WWC2: variants seen among roughly 807,000 people sequenced by gnomAD.
WWC2 encodes protein WWC2.
Under a neutral mutation model 138.5 loss-of-function variants are expected in WWC2, and 101 were observed. The ratio of observed to expected loss-of-function variants is 0.73; its 90% CI spans 0.62 to 0.86. The LOEUF (loss-of-function observed/expected upper bound fraction) is 0.86. WWC2 is among the 40% of genes least tolerant of loss of function. The pLI is 0.00. For missense variants in WWC2, 1,420 were observed against 1,419.4 expected, an observed-to-expected ratio of 1.00 and a Z score of -0.01; for synonymous variants, 558 against 538.4, an observed-to-expected ratio of 1.04 and a Z score of -0.50.
Position 183,261,449 on chromosome 4 carries a change from A to C in WWC2, c.1826A>C (p.Asp609Ala). The C allele has an allele frequency of 6.2e-7, 1 of 1,612,460 alleles. No individual in the cohort carries two copies. The highest frequency in any genetic ancestry group is 8.5e-7 in the Non-Finnish European group (1 of 1,179,212). The change falls in exon 11 of 23, where the codon GAT (aspartate) becomes GCT (alanine). Residue 609 changes from aspartate to alanine, a missense_variant. By Grantham distance (126) the Asp-to-Ala change is moderately radical (BLOSUM62 -2). Coordinates refer to ENST00000403733, the MANE Select transcript of WWC2 (RefSeq NM_024949.6). ...GAAAATCAGATTTTGCTGGATTCTGATTCAGGAGGAGCCTCCCAGTCTCTT... is the reference window on the plus strand; with the variant it reads ...GAAAATCAGATTTTGCTGGATTCTGCTTCAGGAGGAGCCTCCCAGTCTCTT... ...LIENQILLDS[D>A]SGGASQSLSE...
intron 1 of WWC2, among the ~76,000 whole-genome samples, chr4:183,100,258 C>G (rs1743132284): frequency 6.6e-6 from 1 of 152,352 alleles, no homozygotes; most frequent in Non-Finnish European, 1.5e-5. Context: ...GAACCGACTC[C>G]CAGATCGGGA....
chr4:183,121,675 A>G (rs773710951), intron 1 of WWC2, among the ~76,000 whole-genome samples: 7 of 152,192 alleles, frequency 4.6e-5, no homozygotes, highest in Non-Finnish European at 8.8e-5. Context: ...TTATATTTCA[A>G]AATAGTTTAT....
At chr4:183,170,786 C>T (rs1032691295) in intron 1 of WWC2, among the ~76,000 whole-genome samples, 14 of 149,412 alleles carry the variant, frequency 9.4e-5, no homozygotes, top group African/African-American at 3.4e-4. Flanking sequence ...TAACCTTGAA[C>T]TCCTCAAGTG....
chr4:183,241,239 C>G (rs535094598), intron 5 of WWC2, among the ~76,000 whole-genome samples: 1 of 152,202 alleles, frequency 6.6e-6, no homozygotes, highest in Non-Finnish European at 1.5e-5. Context: ...TGGTCTCAGG[C>G]GCCACCTCTG....
At chr4:183,206,987 A>C (rs1343575746) in intron 2 of WWC2, among the ~76,000 whole-genome samples, 3 of 152,198 alleles carry the variant, frequency 2.0e-5, no homozygotes, top group African/African-American at 7.2e-5. Flanking sequence ...TGGAGTTTAT[A>C]AACTGAGCAT....
At position 183,099,323 on chromosome 4, in the gene WWC2, T is replaced by G; in HGVS notation, c.-169T>G. On this transcript the variant is annotated 5_prime_UTR_variant, in exon 1 of 23. Coordinates refer to ENST00000403733, the MANE Select transcript of WWC2 (RefSeq NM_024949.6). Reference sequence around the variant, plus strand: ...CCGCAGCGGGGCCGCGAACAGCGTTTCCTGAGGCACCTCCCGCGCGTGGTT... The same window carrying G: ...CCGCAGCGGGGCCGCGAACAGCGTTGCCTGAGGCACCTCCCGCGCGTGGTT... The G allele has an allele frequency of 1.8e-6, 1 of 562,766 alleles. No homozygotes were observed. Among genetic ancestry groups the G allele is most frequent in the Non-Finnish European group, 2.4e-6 (1 of 410,842 alleles). The allele number at this position is 562,766 out of a possible 1,614,324, so 34.9% of individuals were successfully genotyped here. A position where few individuals can be genotyped will look rare whatever the true frequency, so the allele number is the denominator to read the frequency against.
chr4:183,107,287 G>A (rs1456108996), intron 1 of WWC2, among the ~76,000 whole-genome samples: 1 of 151,940 alleles, frequency 6.6e-6, no homozygotes, highest in Admixed American at 6.6e-5. Flanking sequence ...TCAGCCTCCT[G>A]AGTAGCTGGG....
chr4:183,140,068 T>C (rs1733253493), intron 1 of WWC2, among the ~76,000 whole-genome samples: 1 of 152,222 alleles, frequency 6.6e-6, no homozygotes, highest in African/African-American at 2.4e-5. Flanking sequence ...TGCCTCTGCC[T>C]TACAAAGTCC....
intron 4 of WWC2, among the ~76,000 whole-genome samples, chr4:183,210,983 G>A (rs1735581047): frequency 6.6e-6 from 1 of 152,216 alleles, no homozygotes. Flanking sequence ...TCTGCACTAA[G>A]TCTCTAAGTT....
At position 183,275,100 on chromosome 4, in the gene WWC2, C is replaced by T. The variant is rs190498395; in HGVS notation, c.2562+3859C>T. Among the ~76,000 whole-genome samples, 268 of 152,210 alleles carry T rather than the reference C, an allele frequency of 1.8e-3. 3 individuals are homozygous for T. Among genetic ancestry groups the T allele is most frequent in the South Asian group, 1.0e-3 (5 of 4,824 alleles). On this transcript the variant is annotated intron_variant, in intron 16 of 22. Transcript: ENST00000403733. ...CCTCACCCTCCCTACTCTCTCCAGC[C>T]ACTGTGGAACTGTTTTCTCAGTTGC...
intron 4 of WWC2, among the ~76,000 whole-genome samples, chr4:183,228,808 G>C (rs891890721): frequency 2.0e-5 from 3 of 152,084 alleles, no homozygotes. Flanking sequence ...AGTGTTTGTA[G>C]TGTGTAGCCT....
In WWC2 at chr4:183,319,838, C is replaced by A. The variant is rs1395640259; in HGVS notation, c.*4109C>A. Reference sequence around the variant, plus strand: ...GAACCAGGGCTGTGACTCCCGAGGCCCAGGACAGAATTCCTCCCAGGATCA... The same window carrying A: ...GAACCAGGGCTGTGACTCCCGAGGCACAGGACAGAATTCCTCCCAGGATCA... On this transcript the variant is annotated 3_prime_UTR_variant, in exon 23 of 23. Coordinates refer to ENST00000403733, the MANE Select transcript of WWC2 (RefSeq NM_024949.6). The A allele has an allele frequency of 1.9e-6, 3 of 1,613,962 alleles. No individual in the cohort carries two copies. The highest frequency in any genetic ancestry group is 2.2e-5 in the South Asian group (2 of 91,066).
intron 1 of WWC2, among the ~76,000 whole-genome samples, chr4:183,117,290 G>A (rs1456192234): frequency 7.4e-6 from 1 of 134,608 alleles, no homozygotes; most frequent in Non-Finnish European, 1.5e-5. Context: ...GCGTGATCTT[G>A]GCTCACTGCA....
At chr4:183,212,814 G>T (rs1414027764) in intron 4 of WWC2, among the ~76,000 whole-genome samples, 3 of 152,146 alleles carry the variant, frequency 2.0e-5, no homozygotes, top group Non-Finnish European at 2.9e-5. Context: ...CCCCAGAATT[G>T]TCTTCTAATG....
In WWC2 at chr4:183,221,033, A is replaced by C. The variant is rs570814591; in HGVS notation, c.522+12008A>C. Among the ~76,000 whole-genome samples the C allele has an allele frequency of 4.6e-5, 7 of 152,354 alleles. No individual in the cohort carries two copies. In the South Asian group the frequency reaches 1.4e-3, roughly 32 times the overall value. On this transcript the variant is annotated intron_variant, in intron 4 of 22. Transcript: ENST00000403733. ...AGGCAAAGATTATCAGAATGGTTAA[A>C]ACAAGACCCAATTTCATGATAGCTG...
At chr4:183,265,480 A>C (rs1171375353) in intron 12 of WWC2, among the ~76,000 whole-genome samples, 1 of 152,230 alleles carries the variant, frequency 6.6e-6, no homozygotes, top group Non-Finnish European at 1.5e-5. Context: ...AGTAGTCATC[A>C]GAGAGGCTTT....
intron 9 of WWC2, among the ~76,000 whole-genome samples, chr4:183,256,475 CG>C (rs1191163251): frequency 3.9e-5 from 6 of 152,106 alleles, no homozygotes; most frequent in African/African-American, 1.4e-4. Context: ...TTCACCCTTT[CG>C]TGTCTTCCTC....
Position 183,315,719 on chromosome 4 carries a change from A to G in WWC2, c.3569A>G (p.Asp1190Gly), listed in dbSNP as rs558430980. 1 of 1,612,414 alleles carries G rather than the reference A, an allele frequency of 6.2e-7. No homozygotes were observed. Among genetic ancestry groups the G allele is most frequent in the East Asian group, 2.2e-5 (1 of 44,872 alleles). ...AKISIPSLPA[D>G]DV is the part of the protein sequence containing the mutation. ...ATAAGCATCCCATCCCTGCCAGCTG[A>G]TGATGTGTGATTACATGACTTAAGA... The change falls in exon 23 of 23, where the codon GAT (aspartate) becomes GGT (glycine). Residue 1190 changes from aspartate to glycine, a missense_variant. Asp to Gly is a moderately conservative substitution (Grantham distance 94, BLOSUM62 -1). Transcript: ENST00000403733.
At chr4:183,223,157 C>T (rs567187016) in intron 4 of WWC2, among the ~76,000 whole-genome samples, 72 of 152,276 alleles carry the variant, frequency 4.7e-4, no homozygotes, top group African/African-American at 1.7e-3. Flanking sequence ...GTTTTCAGTA[C>T]AGTAACATGC....
Sources: gnomAD v4.1 joint callset for allele counts (sites outside exome capture counted in the v4.1 genomes callset) on GRCh38, gnomAD v4.1.1 for gene constraint, MANE v1.5 for transcripts, NCBI Gene and HGNC (gene_info 2026-07-23, HGNC 2026-07-21) for gene names.